Variants in SAMD8 observed in about 807,000 individuals in gnomAD.
SAMD8 encodes sphingomyelin synthase-related protein 1.
Under a neutral mutation model 42.0 loss-of-function variants are expected in SAMD8, and 20 were observed. The observed-to-expected ratio is 0.48, with a 90% CI of 0.34 to 0.69. SAMD8 has a LOEUF of 0.69. SAMD8 is among the 30% of genes least tolerant of loss of function. The probability of loss-of-function intolerance (pLI) is 0.01; values close to 1 mark genes in which losing one functional copy is unlikely to be tolerated. For missense variants in SAMD8, 328 were observed against 511.6 expected, an observed-to-expected ratio of 0.64 and a Z score of 3.46; for synonymous variants, 162 against 173.0, an observed-to-expected ratio of 0.94 and a Z score of 0.50.
intron 1 of SAMD8, among the ~76,000 whole-genome samples, chr10:75,135,430 G>A (rs1849371857): frequency 3.4e-5 from 5 of 146,754 alleles, no homozygotes. Flanking sequence ...TCCAGCCTGG[G>A]CAACAAGAGC....
At chr10:75,159,063 C>CTTTTTCTTTT (rs1554862366) in intron 2 of SAMD8, among the ~76,000 whole-genome samples, 2 of 133,464 alleles carry the variant, frequency 1.5e-5, no homozygotes, top group African/African-American at 5.8e-5. Context: ...TTTTCTTTTT[C>CTTTTTCTTTT]TTTTTTTTTT....
upstream of SAMD8, chr10:75,111,527 G>A: frequency 8.1e-7 from 1 of 1,231,694 alleles, no homozygotes; most frequent in South Asian, 3.9e-5. Context: ...CTGCCGGCGC[G>A]GCGGTGACGG....
chr10:75,151,216 T>G (rs1177240305), intron 2 of SAMD8, 110 bp downstream of exon 2: 2 of 540,328 alleles, frequency 3.7e-6, no homozygotes, highest in Non-Finnish European at 6.0e-6. Context: ...ATGTATACTT[T>G]CCATTTGCTT....
At chr10:75,119,153 A>C (rs1473639345) in intron 1 of SAMD8, among the ~76,000 whole-genome samples, 1 of 151,120 alleles carries the variant, frequency 6.6e-6, no homozygotes, top group East Asian at 1.9e-4. Context: ...ATCAGTAATG[A>C]TTTGTTTTTT....
At position 75,150,881 on chromosome 10, in the gene SAMD8, A is replaced by G. The variant is rs769448527; in HGVS notation, c.353A>G (p.Asp118Gly). The G allele has an allele frequency of 1.9e-6, 3 of 1,612,992 alleles. No individual in the cohort carries two copies. The highest frequency in any genetic ancestry group is 2.5e-6 in the Non-Finnish European group (3 of 1,179,394). ...DWLCNGELSH[D>G]CDGPITDLNS... ...CTCTGTAATGGGGAGCTTTCCCATGACTGTGACGGACCCATAACTGACTTG... is the reference window on the plus strand; with the variant it reads ...CTCTGTAATGGGGAGCTTTCCCATGGCTGTGACGGACCCATAACTGACTTG... Residue 118 changes from aspartate to glycine, a missense_variant, in exon 2 of 6, where the codon GAC (aspartate) becomes GGC (glycine). By Grantham distance (94) the Asp-to-Gly change is moderately conservative (BLOSUM62 -1). This residue lies in a region of SAMD8 where 150 missense variants were observed against 186.0 expected (regional missense o/e 0.81). Coordinates refer to ENST00000542569, the MANE Select transcript of SAMD8 (RefSeq NM_001174156.2).
intron 2 of SAMD8, among the ~76,000 whole-genome samples, chr10:75,156,954 A>G (rs1268769930): frequency 2.0e-5 from 3 of 152,162 alleles, no homozygotes; most frequent in African/African-American, 7.2e-5. Flanking sequence ...GTAATAGTAT[A>G]TTGGGTTATG....
At chr10:75,111,044 G>C (rs1238025101), upstream of SAMD8, among the ~76,000 whole-genome samples, 2 of 152,114 alleles carry the variant, frequency 1.3e-5, no homozygotes, top group African/African-American at 4.8e-5. Context: ...TCGAACTCCT[G>C]ACCTCAGGTG....
intron 1 of SAMD8, among the ~76,000 whole-genome samples, chr10:75,134,370 C>T (rs1486159725): frequency 6.6e-6 from 1 of 152,188 alleles, no homozygotes; most frequent in African/African-American, 2.4e-5. Flanking sequence ...CGCAGTGGCT[C>T]ATGCCTGTAA....
intron 2 of SAMD8, among the ~76,000 whole-genome samples, chr10:75,154,996 G>A (rs570745527): frequency 6.6e-6 from 1 of 152,224 alleles, no homozygotes; most frequent in South Asian, 2.1e-4. Flanking sequence ...AGGCTCAAGT[G>A]ATCTCCTTCC....
rs2134458143 is a variant in SAMD8 at position 75,139,326 on chromosome 10, A to G, written c.-15-11188A>G. ...GCTTTTTAAGGTGGACCACGCTTTA[A>G]TGGTGTAATAAGAGTTAGTATTTAA... is the stretch of plus-strand genomic sequence containing the variant. On this transcript the variant is annotated intron_variant, in intron 1 of 5. Transcript: ENST00000542569. Among the ~76,000 whole-genome samples, 3 of 152,288 alleles carry G rather than the reference A, an allele frequency of 2.0e-5. No individual in the cohort carries two copies. In the South Asian group the frequency reaches 6.2e-4, roughly 32 times the overall value.
intron 1 of SAMD8, among the ~76,000 whole-genome samples, chr10:75,129,203 C>G (rs1434924204): frequency 6.6e-6 from 1 of 151,432 alleles, no homozygotes; most frequent in Non-Finnish European, 1.5e-5. Context: ...TCACTATAGC[C>G]TGGAAGTCCC....
At chr10:75,137,312 G>T (rs1839911511) in intron 1 of SAMD8, among the ~76,000 whole-genome samples, 1 of 152,134 alleles carries the variant, frequency 6.6e-6, no homozygotes, top group East Asian at 1.9e-4. Context: ...GGCCGAGGTG[G>T]GTGGATCATT....
upstream of SAMD8, chr10:75,111,635 C>G (rs888349781): frequency 1.6e-6 from 2 of 1,245,874 alleles, no homozygotes; most frequent in Non-Finnish European, 2.0e-6. Flanking sequence ...CGCTTCACTC[C>G]GGCGAGGCGG....
intron 1 of SAMD8, among the ~76,000 whole-genome samples, chr10:75,142,823 T>C (rs1840050965): frequency 6.7e-6 from 1 of 150,234 alleles, no homozygotes; most frequent in Non-Finnish European, 1.5e-5. Context: ...AGGTCAGGAG[T>C]CTTGAAAAAC....
intron 1 of SAMD8, among the ~76,000 whole-genome samples, chr10:75,128,638 T>C (rs1342614924): frequency 6.6e-6 from 1 of 152,212 alleles, no homozygotes; most frequent in African/African-American, 2.4e-5. Context: ...TGTTTATGGA[T>C]ATATGCTTAG....
intron 2 of SAMD8, among the ~76,000 whole-genome samples, chr10:75,161,262 C>T (rs910316232): frequency 3.9e-5 from 6 of 152,130 alleles, no homozygotes; most frequent in African/African-American, 1.4e-4. Flanking sequence ...AGCTCCCTTC[C>T]TTAAGTAGCC....
At chr10:75,128,989 T>C (rs1849212815) in intron 1 of SAMD8, among the ~76,000 whole-genome samples, 1 of 152,162 alleles carries the variant, frequency 6.6e-6, no homozygotes, top group Admixed American at 6.6e-5. Context: ...TTTCGTAATA[T>C]AGAAGCCCTA....
intron 1 of SAMD8, among the ~76,000 whole-genome samples, chr10:75,112,804 TACTC>T (rs1339848711): frequency 6.6e-6 from 1 of 152,224 alleles, no homozygotes; most frequent in Non-Finnish European, 1.5e-5. Flanking sequence ...ATTTTACAGA[TACTC>T]AACATGGACT....
intron 1 of SAMD8, among the ~76,000 whole-genome samples, chr10:75,101,656 CACATAGCCA>C (rs1183695726): frequency 1.3e-5 from 2 of 152,188 alleles, no homozygotes; most frequent in African/African-American, 2.4e-5. Flanking sequence ...TACCCAGAGT[CACATAGCCA>C]ATTGATGTGG....
Sources: gnomAD v4.1 joint callset for allele counts (sites outside exome capture counted in the v4.1 genomes callset) on GRCh38, gnomAD v4.1.1 for gene constraint, gnomAD v4.1.1 regional missense constraint, MANE v1.5 for transcripts, NCBI Gene and HGNC (gene_info 2026-07-23, HGNC 2026-07-21) for gene names.